The following LRRC1 variants were observed in gnomAD, a reference collection of about 807,000 sequenced individuals.
LRRC1 encodes leucine-rich repeat-containing protein 1.
Under a neutral mutation model 69.9 loss-of-function variants are expected in LRRC1, and 28 were observed. The ratio of observed to expected loss-of-function variants is 0.40; its 90% CI spans 0.30 to 0.55. The LOEUF (loss-of-function observed/expected upper bound fraction) is 0.55. LRRC1 is among the 20% of genes least tolerant of loss of function. The probability of loss-of-function intolerance (pLI) is 0.47; values close to 1 mark genes in which losing one functional copy is unlikely to be tolerated. For missense variants in LRRC1, 498 were observed against 609.0 expected, an observed-to-expected ratio of 0.82 and a Z score of 1.92; for synonymous variants, 236 against 240.2, an observed-to-expected ratio of 0.98 and a Z score of 0.16.
In LRRC1 at chr6:53,873,289, CT is replaced by C. The variant is rs57201410; in HGVS notation, c.278-5688del. ...GTGTATAGAAGTGCTACCGATTTTT[CT>C]TTTTTTTTTTTTTTTAATTGAGACA... On this transcript the variant is annotated intron_variant, in intron 2 of 13. Transcript: ENST00000370888. Among the ~76,000 whole-genome samples, 697 of 136,750 alleles carry C rather than the reference CT, an allele frequency of 5.1e-3. 5 individuals carry two copies. Among genetic ancestry groups the C allele is most frequent in the African/African-American group, 0.013 (488 of 36,490 alleles). 89.7% of individuals were successfully genotyped at this position (136,750 alleles called of 152,430 possible). A position where few individuals can be genotyped will look rare whatever the true frequency, so the allele number is the denominator to read the frequency against.
At chr6:53,913,289 A>C (rs1490773221) in intron 10 of LRRC1, among the ~76,000 whole-genome samples, 1 of 152,154 alleles carries the variant, frequency 6.6e-6, no homozygotes, top group Non-Finnish European at 1.5e-5. Context: ...GTGAATGACC[A>C]AAAGCTATTA....
At chr6:53,920,470 T>G in intron 12 of LRRC1, 155 bp from the exon 13 acceptor site, 1 of 682,148 alleles carries the variant, frequency 1.5e-6, no homozygotes, top group East Asian at 2.8e-5. Flanking sequence ...TGTGTTTGTG[T>G]TTTAAAGCCA....
At position 53,896,816 on chromosome 6, in the gene LRRC1, T is replaced by G; in HGVS notation, c.504-13T>G. On this transcript the variant is annotated splice_polypyrimidine_tract_variant and intron_variant, in intron 5 of 13. Transcript: ENST00000370888. ...GTATTCTCTAAGTGCTCTTTATTTA[T>G]TTTTTAAAATAGCTCTCTTACCCAG... 1 of 1,556,656 alleles carries G rather than the reference T, an allele frequency of 6.4e-7. No homozygotes were observed. Among genetic ancestry groups the G allele is most frequent in the East Asian group, 2.2e-5 (1 of 44,566 alleles).
chr6:53,864,003 T>C lies in LRRC1; in HGVS notation c.278-14990T>C, dbSNP rs150988016. 3.1e-3 allele frequency among the ~76,000 whole-genome samples: 466 copies of C among 152,314 alleles called. 7 individuals are homozygous for C. Among genetic ancestry groups the C allele is most frequent in the African/African-American group, 0.011 (438 of 41,526 alleles). ...ACAACAACTGTGCATGCTCACTCTG[T>C]CTGCCTCCTCTTTATCTACTGCCTT... On this transcript the variant is annotated intron_variant, in intron 2 of 13. Transcript: ENST00000370888.
At chr6:53,891,819 C>A in intron 4 of LRRC1, among the ~76,000 whole-genome samples, 1 of 151,768 alleles carries the variant, frequency 6.6e-6, no homozygotes, top group South Asian at 2.1e-4. Flanking sequence ...TGGTGAAACC[C>A]CATCTCTACT....
chr6:53,818,352 G>A (rs1331592403), intron 1 of LRRC1, among the ~76,000 whole-genome samples: 3 of 152,106 alleles, frequency 2.0e-5, no homozygotes, highest in Non-Finnish European at 4.4e-5. Flanking sequence ...TATCAAGATA[G>A]AAATGGAAGG....
At chr6:53,865,539 T>A (rs1766672574) in intron 2 of LRRC1, among the ~76,000 whole-genome samples, 1 of 151,998 alleles carries the variant, frequency 6.6e-6, no homozygotes, top group Non-Finnish European at 1.5e-5. Flanking sequence ...GTTCGTGGAG[T>A]AGTTTTATTA....
chr6:53,900,021 T>A (rs1295801542), intron 8 of LRRC1, 130 bp downstream of exon 8: 8 of 9,928 alleles, frequency 8.1e-4, no homozygotes, highest in Admixed American at 3.3e-3. Context: ...CTCCTTACTG[T>A]TTTTTTTTTT....
rs9474684 is a variant in LRRC1 at position 53,919,490 on chromosome 6, A to C, written c.1107-8A>C. ...TGTCTCTTTTTTTAAAAAAAAAAAA[A>C]AAAACAGGTTGCTGCATCTACCTTT... On this transcript the variant is annotated splice_polypyrimidine_tract_variant and splice_region_variant and intron_variant, in intron 11 of 13. Transcript: ENST00000370888. 3,361 of 1,514,828 alleles carry C rather than the reference A, an allele frequency of 2.2e-3. 39 individuals are homozygous for C. The East Asian group carries it at 0.032, about 14-fold the overall frequency. 93.8% of individuals were successfully genotyped at this position (1,514,828 alleles called of 1,614,324 possible).
intron 2 of LRRC1, among the ~76,000 whole-genome samples, chr6:53,867,838 G>A (rs563933959): frequency 2.0e-5 from 3 of 151,546 alleles, no homozygotes; most frequent in East Asian, 3.9e-4. Context: ...ACCTGTAGTC[G>A]CAGCTAGTTG....
In LRRC1 at chr6:53,914,377, T is replaced by C. The variant is rs1422234451; in HGVS notation, c.1106+408T>C. Among the ~76,000 whole-genome samples, 8 of 152,304 alleles carry C rather than the reference T, an allele frequency of 5.3e-5. No individual in the cohort carries two copies. In the East Asian group the frequency reaches 1.5e-3, roughly 29 times the overall value. ...AGTGCAAATGAGTTTGAACTCAGTT[T>C]TAACCAGGGGACCTTGATATACTCT... On this transcript the variant is annotated intron_variant, in intron 11 of 13. Coordinates refer to ENST00000370888, the MANE Select transcript of LRRC1 (RefSeq NM_018214.5).
At chr6:53,840,318 T>C (rs539766902) in intron 1 of LRRC1, among the ~76,000 whole-genome samples, 1 of 152,342 alleles carries the variant, frequency 6.6e-6, no homozygotes, top group Admixed American at 6.5e-5. Flanking sequence ...TATTGCCCTC[T>C]TACTTTCAAG....
chr6:53,842,308 A>G, intron 2 of LRRC1, 81 bp downstream of exon 2: 1 of 868,116 alleles, frequency 1.2e-6, no homozygotes, highest in Non-Finnish European at 1.9e-6. Context: ...TACGAGTGAG[A>G]ACATGCGGTG....
intron 3 of LRRC1, among the ~76,000 whole-genome samples, chr6:53,880,371 C>T (rs1233052984): frequency 6.6e-6 from 1 of 152,116 alleles, no homozygotes; most frequent in Non-Finnish European, 1.5e-5. Context: ...TCAACTGTCT[C>T]TTCTCTTAAA....
At chr6:53,836,980 T>C (rs62397076) in intron 1 of LRRC1, among the ~76,000 whole-genome samples, 32,846 of 152,076 alleles carry the variant, frequency 0.22, 3,935 homozygotes, top group South Asian at 0.26. Flanking sequence ...TAATATAGTA[T>C]GCATTTTTGT....
intron 2 of LRRC1, among the ~76,000 whole-genome samples, chr6:53,877,750 G>A (rs1253308456): frequency 6.6e-6 from 1 of 152,082 alleles, no homozygotes; most frequent in Non-Finnish European, 1.5e-5. Context: ...TATCCATATT[G>A]CTATCAGGCT....
chr6:53,839,599 AT>A lies in LRRC1; in HGVS notation c.160-2503del, dbSNP rs1028709206. 2.6e-5 allele frequency among the ~76,000 whole-genome samples: 4 copies of A among 151,558 alleles called. No homozygotes were observed. The East Asian group carries it at 5.8e-4, about 22-fold the overall frequency. On this transcript the variant is annotated intron_variant, in intron 1 of 13. Coordinates refer to ENST00000370888, the MANE Select transcript of LRRC1 (RefSeq NM_018214.5). ...ATTGCTAAATGACTTTTGCGGCTTGATTTTTTTTCCTCTTTGAGTTATTTAT... is the reference window on the plus strand; with the variant it reads ...ATTGCTAAATGACTTTTGCGGCTTGATTTTTTTCCTCTTTGAGTTATTTAT...
At chr6:53,877,117 G>A (rs926284676) in intron 2 of LRRC1, among the ~76,000 whole-genome samples, 2 of 152,196 alleles carry the variant, frequency 1.3e-5, no homozygotes, top group African/African-American at 4.8e-5. Flanking sequence ...CTTGATTTCT[G>A]TGTACCCGCA....
chr6:53,883,816 C>A, intron 4 of LRRC1: 1 of 673,506 alleles, frequency 1.5e-6, no homozygotes, highest in South Asian at 1.7e-5. Flanking sequence ...TAAGACAGAA[C>A]AGAAACTTGC....
Sources: gnomAD v4.1 joint callset for allele counts (sites outside exome capture counted in the v4.1 genomes callset) on GRCh38, gnomAD v4.1.1 for gene constraint, MANE v1.5 for transcripts, NCBI Gene and HGNC (gene_info 2026-07-23, HGNC 2026-07-21) for gene names.